Variants in KHDRBS2 observed in about 807,000 individuals in gnomAD.
KHDRBS2 encodes KH domain-containing, RNA-binding, signal transduction-associated protein 2.
KHDRBS2 carries 26 observed loss-of-function variants against 44.3 expected under a neutral mutation model. That is an observed-to-expected ratio of 0.59 (90% CI 0.43 to 0.81). The LOEUF is 0.81. KHDRBS2 is among the 40% of genes least tolerant of loss of function. The pLI, the probability that KHDRBS2 is intolerant of heterozygous loss-of-function variation, is 0.00. For missense variants in KHDRBS2, 476 were observed against 433.1 expected (o/e 1.10, Z -0.88); for synonymous variants, 194 against 151.1 (o/e 1.28, Z -2.08).
intron 6 of KHDRBS2, among the ~76,000 whole-genome samples, chr6:61,835,200 C>T (rs149769188): frequency 6.6e-6 from 1 of 152,152 alleles, no homozygotes; most frequent in East Asian, 1.9e-4. Flanking sequence ...GACATTTTAA[C>T]TAATGCAGAT....
At chr6:61,631,178 TAAAC>T in the KHDRBS2 span, among the ~76,000 whole-genome samples, 2 of 152,008 alleles carry the variant, frequency 1.3e-5, no homozygotes, top group Admixed American at 6.6e-5. Context: ...GCCATCATTT[TAAAC>T]AAACAGTTTA....
intron 2 of KHDRBS2, among the ~76,000 whole-genome samples, chr6:62,154,332 C>CA (rs1815898483): frequency 6.6e-6 from 1 of 152,128 alleles, no homozygotes; most frequent in African/African-American, 2.4e-5. Context: ...TTGCCTGCTG[C>CA]ATTACTTCCT....
intron 1 of KHDRBS2, among the ~76,000 whole-genome samples, chr6:62,258,755 A>G (rs1320033829): frequency 6.6e-6 from 1 of 152,044 alleles, no homozygotes; most frequent in Non-Finnish European, 1.5e-5. Flanking sequence ...AAAAAATCAG[A>G]AATCCAAAAC....
intron 3 of KHDRBS2, among the ~76,000 whole-genome samples, chr6:61,978,859 C>T (rs561055137): frequency 3.9e-5 from 6 of 152,116 alleles, no homozygotes; most frequent in East Asian, 1.9e-4. Context: ...GCATGGGCTA[C>T]GTAACTTCTG....
intron 2 of KHDRBS2, among the ~76,000 whole-genome samples, chr6:62,176,609 C>T (rs1821148693): frequency 6.6e-6 from 1 of 151,022 alleles, no homozygotes; most frequent in South Asian, 2.1e-4. Context: ...TAAAACCATG[C>T]CACTGAATGC....
At chr6:62,131,537 G>T (rs1246557839) in intron 2 of KHDRBS2, among the ~76,000 whole-genome samples, 3 of 152,180 alleles carry the variant, frequency 2.0e-5, no homozygotes, top group Non-Finnish European at 2.9e-5. Flanking sequence ...GAGTTGTGTA[G>T]AGCAGGCTAC....
intron 2 of KHDRBS2, among the ~76,000 whole-genome samples, chr6:62,145,948 C>A (rs528017993): frequency 6.6e-6 from 1 of 151,770 alleles, no homozygotes; most frequent in East Asian, 1.9e-4. Flanking sequence ...TGAGTCCCAC[C>A]CCCAAGATAT....
intron 2 of KHDRBS2, among the ~76,000 whole-genome samples, chr6:62,160,165 C>T (rs896359152): frequency 2.0e-5 from 3 of 152,070 alleles, no homozygotes; most frequent in Admixed American, 6.6e-5. Flanking sequence ...ACAAACAAGA[C>T]ATTTTGCAAC....
At chr6:61,577,286 G>T in the KHDRBS2 span, among the ~76,000 whole-genome samples, 1 of 152,018 alleles carries the variant, frequency 6.6e-6, no homozygotes, top group South Asian at 2.1e-4. Context: ...CCTAGCCCCA[G>T]CTACCCCATT....
At chr6:61,917,285 G>C (rs1476188514) in intron 4 of KHDRBS2, among the ~76,000 whole-genome samples, 6 of 151,838 alleles carry the variant, frequency 4.0e-5, no homozygotes, top group African/African-American at 1.4e-4. Flanking sequence ...GAGTTTGTAT[G>C]AAGCCAAGGA....
At chr6:61,791,052 A>T (rs1248685862) in intron 6 of KHDRBS2, among the ~76,000 whole-genome samples, 1 of 151,436 alleles carries the variant, frequency 6.6e-6, no homozygotes, top group Non-Finnish European at 1.5e-5. Flanking sequence ...TATTGGAATG[A>T]CGTTCCTTAT....
At chr6:62,208,361 CTGGGA>C (rs1165907815) in intron 1 of KHDRBS2, among the ~76,000 whole-genome samples, 2 of 152,132 alleles carry the variant, frequency 1.3e-5, no homozygotes, top group Non-Finnish European at 2.9e-5. Context: ...TCCCAAGTAG[CTGGGA>C]CTACAGGGCA....
intron 3 of KHDRBS2, among the ~76,000 whole-genome samples, chr6:61,978,693 A>G (rs1481207536): frequency 1.3e-5 from 2 of 152,094 alleles, no homozygotes; most frequent in Non-Finnish European, 2.9e-5. Flanking sequence ...GTAACTATAC[A>G]AGTCAAGGCT....
chr6:61,731,072 G>C (rs560241243), intron 7 of KHDRBS2, among the ~76,000 whole-genome samples: 2 of 152,140 alleles, frequency 1.3e-5, no homozygotes, highest in South Asian at 2.1e-4. Flanking sequence ...GTCGAGTGTA[G>C]TAACTACACT....
At chr6:61,998,665 T>C (rs1359363603) in intron 3 of KHDRBS2, among the ~76,000 whole-genome samples, 1 of 152,130 alleles carries the variant, frequency 6.6e-6, no homozygotes, top group East Asian at 1.9e-4. Flanking sequence ...ATTTTTTGTG[T>C]TTGTTTTCTC....
chr6:61,760,141 A>G (rs1185574752), intron 6 of KHDRBS2, among the ~76,000 whole-genome samples: 3 of 152,228 alleles, frequency 2.0e-5, no homozygotes, highest in African/African-American at 7.2e-5. Context: ...TAATTCAATT[A>G]TACATTGTGC....
rs909500311 is a variant in KHDRBS2, at chr6:61,717,195, T to G, written c.893+15487A>C. Among the ~76,000 whole-genome samples the G allele has an allele frequency of 2.6e-5, 4 of 152,102 alleles. No homozygotes were observed. The East Asian group carries it at 7.7e-4, about 29-fold the overall frequency. ...ATTTAAACTACTTAGGCAAGTAGTT[T>G]AGTTATTATCAAAATTAACCTTAAA... On this transcript the variant is annotated intron_variant, in intron 7 of 8. Transcript: ENST00000281156.
At chr6:61,544,265 T>A in the KHDRBS2 span, among the ~76,000 whole-genome samples, 1 of 151,998 alleles carries the variant, frequency 6.6e-6, no homozygotes, top group Non-Finnish European at 1.5e-5. Context: ...AAGTATAAGT[T>A]TTAAAAAAGC....
At chr6:62,195,775 A>C (rs2150134401) in intron 1 of KHDRBS2, among the ~76,000 whole-genome samples, 1 of 152,262 alleles carries the variant, frequency 6.6e-6, no homozygotes. Flanking sequence ...TCATCCCCAA[A>C]TAAAGGTGTC....
Sources: gnomAD v4.1 joint callset for allele counts (sites outside exome capture counted in the v4.1 genomes callset) on GRCh38, gnomAD v4.1.1 for gene constraint, MANE v1.5 for transcripts, NCBI Gene and HGNC (gene_info 2026-07-23, HGNC 2026-07-21) for gene names.